Variants in ADARB2 observed in about 807,000 individuals in gnomAD.
ADARB2 encodes the protein adenosine deaminase RNA specific B2 (inactive).
In ADARB2, 25 loss-of-function variants were observed where a neutral mutation model predicts 62.2. The ratio of observed to expected loss-of-function variants is 0.40; its 90% confidence interval spans 0.29 to 0.56. The LOEUF (loss-of-function observed/expected upper bound fraction) is 0.56. ADARB2 is among the 20% of genes least tolerant of loss of function. ADARB2 has a pLI of 0.43. For missense variants in ADARB2, 1,071 were observed against 1,077.4 expected (o/e 0.99, Z 0.08); for synonymous variants, 572 against 500.8 (o/e 1.14, Z -1.90).
chr10:1,490,210 C>T (rs978510795), intron 1 of ADARB2, among the ~76,000 whole-genome samples: 5 of 152,158 alleles, frequency 3.3e-5, no homozygotes, highest in Non-Finnish European at 7.3e-5. Flanking sequence ...GCCTTGGGAA[C>T]TTGCCCTGGA....
At chr10:1,321,587 G>T (rs1315282611) in intron 3 of ADARB2, among the ~76,000 whole-genome samples, 1 of 152,056 alleles carries the variant, frequency 6.6e-6, no homozygotes, top group Non-Finnish European at 1.5e-5. Flanking sequence ...GTCTCATTAT[G>T]TTGCCCAGGC....
intron 4 of ADARB2, among the ~76,000 whole-genome samples, chr10:1,262,819 G>C (rs868166755): frequency 2.0e-5 from 3 of 152,226 alleles, no homozygotes; most frequent in African/African-American, 4.8e-5. Flanking sequence ...CTGCTGTAAA[G>C]ACATATGCAC....
intron 3 of ADARB2, among the ~76,000 whole-genome samples, chr10:1,305,855 C>A (rs1054082761): frequency 1.3e-5 from 2 of 151,828 alleles, no homozygotes; most frequent in Non-Finnish European, 2.9e-5. Flanking sequence ...TTCAACAACC[C>A]TTCATGCTAA....
chr10:1,702,361 C>T (rs1373913938), intron 1 of ADARB2, among the ~76,000 whole-genome samples: 2 of 152,158 alleles, frequency 1.3e-5, no homozygotes, highest in African/African-American at 4.8e-5. Flanking sequence ...TTAGAGACGA[C>T]CCTCAAACCC....
At chr10:1,258,687 C>A (rs1831103657) in intron 4 of ADARB2, among the ~76,000 whole-genome samples, 1 of 152,154 alleles carries the variant, frequency 6.6e-6, no homozygotes, top group Non-Finnish European at 1.5e-5. Context: ...TTAGACTCCC[C>A]ACAATAATAA....
intron 6 of ADARB2, among the ~76,000 whole-genome samples, chr10:1,217,496 G>A (rs1830643075): frequency 6.6e-6 from 1 of 152,234 alleles, no homozygotes; most frequent in South Asian, 2.1e-4. Flanking sequence ...ACACGCAGTT[G>A]GACGTGTCGT....
chr10:1,692,725 A>C (rs1216708774), intron 1 of ADARB2, among the ~76,000 whole-genome samples: 3 of 152,164 alleles, frequency 2.0e-5, no homozygotes, highest in African/African-American at 7.2e-5. Context: ...TTTTTTTAAA[A>C]ACAATAAATA....
intron 4 of ADARB2, among the ~76,000 whole-genome samples, chr10:1,243,744 C>T (rs1392680615): frequency 6.6e-6 from 1 of 152,234 alleles, no homozygotes; most frequent in African/African-American, 2.4e-5. Flanking sequence ...TCTGTCTGTC[C>T]AGCCTCCTTC....
At chr10:1,202,254 G>A (rs370013976) in intron 7 of ADARB2, among the ~76,000 whole-genome samples, 1 of 151,944 alleles carries the variant, frequency 6.6e-6, no homozygotes, top group Non-Finnish European at 1.5e-5. Context: ...TTGTGTGTGT[G>A]TGTGTTTTTT....
At chr10:1,581,826 A>ATGTGTGTGTGTGTG (rs56180704) in intron 1 of ADARB2, among the ~76,000 whole-genome samples, 3 of 148,392 alleles carry the variant, frequency 2.0e-5, no homozygotes, top group Non-Finnish European at 4.5e-5. Flanking sequence ...TTAGAAATAG[A>ATGTGTGTGTGTGTG]TGTGTGTGTG....
chr10:1,279,126 G>A (rs754393104), intron 3 of ADARB2, among the ~76,000 whole-genome samples: 4 of 152,186 alleles, frequency 2.6e-5, no homozygotes, highest in Non-Finnish European at 5.9e-5. Context: ...CTTAAGCAAC[G>A]GAAATTAACG....
chr10:1,474,950 G>T (rs1831379384), intron 1 of ADARB2, among the ~76,000 whole-genome samples: 1 of 152,154 alleles, frequency 6.6e-6, no homozygotes, highest in South Asian at 2.1e-4. Flanking sequence ...GGCGGCGGCT[G>T]CCGGTCGTCC....
intron 1 of ADARB2, among the ~76,000 whole-genome samples, chr10:1,519,950 C>T (rs1832053395): frequency 6.6e-6 from 1 of 152,194 alleles, no homozygotes; most frequent in Non-Finnish European, 1.5e-5. Flanking sequence ...TTTTCAGAAG[C>T]TCACACACCC....
At chr10:1,563,626 CTT>C (rs137871175) in intron 1 of ADARB2, among the ~76,000 whole-genome samples, 9 of 149,848 alleles carry the variant, frequency 6.0e-5, no homozygotes, top group African/African-American at 2.0e-4. Flanking sequence ...TTTCATTTTA[CTT>C]TTTTTTTTAT....
intron 1 of ADARB2, among the ~76,000 whole-genome samples, chr10:1,719,866 G>A (rs1267451481): frequency 6.6e-6 from 1 of 152,224 alleles, no homozygotes; most frequent in African/African-American, 2.4e-5. Flanking sequence ...CAGTCAGAAT[G>A]GCTATGACAA....
At chr10:1,354,899 C>T (rs547055666) in intron 3 of ADARB2, among the ~76,000 whole-genome samples, 110 of 152,338 alleles carry the variant, frequency 7.2e-4, no homozygotes, top group South Asian at 2.1e-3. Context: ...AGCCACCTTC[C>T]CATGGGGAGC....
At chr10:1,693,751 G>C (rs570967044) in intron 1 of ADARB2, among the ~76,000 whole-genome samples, 1 of 152,168 alleles carries the variant, frequency 6.6e-6, no homozygotes, top group African/African-American at 2.4e-5. Context: ...GCAAACTAGA[G>C]AAAAGGTTAA....
chr10:1,732,539 T>A (rs1268630842), intron 1 of ADARB2, among the ~76,000 whole-genome samples: 1 of 152,156 alleles, frequency 6.6e-6, no homozygotes, highest in East Asian at 1.9e-4. Context: ...ACAAAATTTT[T>A]AAAAAGAGAA....
rs1177787158 is a variant in ADARB2, at chr10:1,675,078, G to A, written c.100+61973C>T. Reference sequence around the variant, plus strand: ...GTACATGGATGTTCTGGAGGTTTGGGTTAAGGGATGTGTGGATGTTCTGGA... The same window carrying A: ...GTACATGGATGTTCTGGAGGTTTGGATTAAGGGATGTGTGGATGTTCTGGA... On this transcript the variant is annotated intron_variant, in intron 1 of 9. Coordinates refer to ENST00000381312, the MANE Select transcript of ADARB2 (RefSeq NM_018702.4). 18 of 984,686 alleles carry A rather than the reference G, an allele frequency of 1.8e-5. No homozygotes were observed. The African/African-American group carries it at 2.8e-4, about 15-fold the overall frequency. 61.0% of individuals were successfully genotyped at this position (984,686 alleles called of 1,614,324 possible).
Sources: gnomAD v4.1 joint callset for allele counts (sites outside exome capture counted in the v4.1 genomes callset) on GRCh38, gnomAD v4.1.1 for gene constraint, MANE v1.5 for transcripts, NCBI Gene and HGNC (gene_info 2026-07-23, HGNC 2026-07-21) for gene names.